Variants in CCDC175 observed in about 807,000 individuals in gnomAD.
CCDC175 encodes the protein coiled-coil domain-containing protein 175.
Under a neutral mutation model 114.6 loss-of-function variants are expected in CCDC175, and 100 were observed. The ratio of observed to expected loss-of-function variants is 0.87; its 90% CI spans 0.74 to 1.03. The LOEUF is 1.03. Among genes scored for constraint, CCDC175 ranks in the 50% least tolerant of loss-of-function variants. CCDC175 has a pLI of 0.00. For synonymous variants in CCDC175, 306 were observed against 308.7 expected (o/e 0.99, Z 0.09); for missense variants, 880 against 917.8 (o/e 0.96, Z 0.53).
At chr14:59,534,595 C>G (rs948331755) in intron 13 of CCDC175, among the ~76,000 whole-genome samples, 3 of 152,114 alleles carry the variant, frequency 2.0e-5, no homozygotes, top group Non-Finnish European at 4.4e-5. Flanking sequence ...TATAATAAAC[C>G]CTTTTCCTGG....
intron 8 of CCDC175, among the ~76,000 whole-genome samples, chr14:59,550,783 A>C (rs1895420277): frequency 6.6e-6 from 1 of 152,066 alleles, no homozygotes; most frequent in Non-Finnish European, 1.5e-5. Context: ...CCTGCTTTAT[A>C]TCCTGGCCGC....
chr14:59,531,810 T>C lies in CCDC175; in HGVS notation c.1724A>G (p.Lys575Arg), dbSNP rs1894089591. The C allele has an allele frequency of 2.0e-6, 3 of 1,498,538 alleles. No homozygotes were observed. The highest frequency in any genetic ancestry group is 2.8e-5 in the African/African-American group (2 of 71,962). 92.8% of individuals were successfully genotyped at this position (1,498,538 alleles called of 1,614,324 possible). A position where few individuals can be genotyped will look rare whatever the true frequency, so the allele number is the denominator to read the frequency against. Residue 575 changes from lysine to arginine, a missense_variant, in exon 14 of 20, where the codon AAA becomes AGA. Lys to Arg is a conservative substitution (Grantham distance 26). Coordinates refer to ENST00000537690, the MANE Select transcript of CCDC175 (RefSeq NM_001164399.2). ...ACTGAGCTCTTCTAACTTTCTTCTT[T>C]TCTCTTTATACTCTTGTTCTGCCAC... ...LQVAEQEYKE[K>R]RRKLEELSNI...
At chr14:59,556,695 T>C (rs1468204399) in intron 7 of CCDC175, among the ~76,000 whole-genome samples, 3 of 151,856 alleles carry the variant, frequency 2.0e-5, no homozygotes, top group Admixed American at 2.0e-4. Context: ...TGGGAGAAAA[T>C]TTTTGCAATC....
chr14:59,520,384 C>A (rs533303863), intron 17 of CCDC175, among the ~76,000 whole-genome samples: 1 of 152,188 alleles, frequency 6.6e-6, no homozygotes, highest in African/African-American at 2.4e-5. Context: ...TTAACAACCA[C>A]TCTGGCAAAT....
chr14:59,525,143 A>G, intron 16 of CCDC175, 139 bp downstream of exon 16: 1 of 577,038 alleles, frequency 1.7e-6, no homozygotes, highest in South Asian at 3.1e-5. Context: ...TACACTTGCA[A>G]TCTGGGCACT....
At chr14:59,551,077 T>C in intron 8 of CCDC175, 1 of 224,256 alleles carries the variant, frequency 4.5e-6, no homozygotes, top group Admixed American at 5.8e-5. Context: ...ACATCAAAAA[T>C]ATCCATTAAT....
intron 7 of CCDC175, among the ~76,000 whole-genome samples, chr14:59,556,963 A>G (rs1409810539): frequency 6.6e-6 from 1 of 152,188 alleles, no homozygotes; most frequent in Non-Finnish European, 1.5e-5. Context: ...AAGTCAGGAA[A>G]CAACAGGTGC....
intron 13 of CCDC175, among the ~76,000 whole-genome samples, chr14:59,535,557 G>C (rs1481235175): frequency 6.6e-6 from 1 of 152,136 alleles, no homozygotes; most frequent in African/African-American, 2.4e-5. Context: ...TTTTGTTCAA[G>C]CTACCTTCAT....
intron 7 of CCDC175, among the ~76,000 whole-genome samples, chr14:59,560,367 G>A (rs564369808): frequency 2.6e-4 from 39 of 152,186 alleles, no homozygotes; most frequent in Middle Eastern, 6.8e-3. Context: ...AGTAGTCCCC[G>A]GAAGCCATGT....
In CCDC175 at chr14:59,510,716, A is replaced by T; in HGVS notation, c.2235T>A (p.Ser745Arg). The T allele has an allele frequency of 6.5e-7, 1 of 1,537,292 alleles. No individual in the cohort carries two copies. Among genetic ancestry groups the T allele is most frequent in the Non-Finnish European group, 8.7e-7 (1 of 1,146,902 alleles). Residue 745 changes from serine (S) to arginine (R), a missense_variant, in exon 19 of 20, where the codon AGT becomes AGA. By Grantham distance (110) the Ser-to-Arg change is moderately radical (BLOSUM62 -1). Coordinates refer to ENST00000537690, the MANE Select transcript of CCDC175 (RefSeq NM_001164399.2). ...CTTCAAGACTCCCTCGTAGCCATGT[A>T]CTGACATGCTGCATTTTTTCATCTC... ...RERDEKMQHV[S>R]TWLRGSLEGL...
chr14:59,506,792 G>C (rs1194037726), intron 19 of CCDC175, among the ~76,000 whole-genome samples: 1 of 152,090 alleles, frequency 6.6e-6, no homozygotes, highest in East Asian at 1.9e-4. Context: ...ATTGTATCAA[G>C]CCCCTCATCA....
chr14:59,510,295 A>C (rs1326949758), intron 19 of CCDC175: 1 of 238,546 alleles, frequency 4.2e-6, no homozygotes, highest in African/African-American at 2.3e-5. Context: ...TGCTAAACTC[A>C]GTTCAGGAAG....
Position 59,532,747 on chromosome 14 carries a change from A to G in CCDC175, c.1624-837T>C, listed in dbSNP as rs114238768. On this transcript the variant is annotated intron_variant, in intron 13 of 19. Coordinates refer to ENST00000537690, the MANE Select transcript of CCDC175 (RefSeq NM_001164399.2). The stretch of plus-strand genomic sequence containing the variant: ...GAATGGAAGCTACTCCTTGACGCAC[A>G]GATGTTAGGCTCATGCTGAGGATGG... 7.2e-3 allele frequency among the ~76,000 whole-genome samples: 1,103 copies of G among 152,260 alleles called. 14 individuals are homozygous for G. Among genetic ancestry groups the G allele is most frequent in the African/African-American group, 0.026 (1,061 of 41,546 alleles).
At chr14:59,568,142 C>T (rs1386514932) in intron 4 of CCDC175, 103 bp downstream of exon 4, 9 of 1,176,704 alleles carry the variant, frequency 7.6e-6, no homozygotes, top group African/African-American at 3.2e-5. Flanking sequence ...CCTCTCAACT[C>T]GCCCTGCCAC....
intron 19 of CCDC175, among the ~76,000 whole-genome samples, chr14:59,507,233 T>G (rs773723042): frequency 6.6e-6 from 1 of 152,252 alleles, no homozygotes; most frequent in Non-Finnish European, 1.5e-5. Context: ...GACCAGCTTA[T>G]GTCTGTGCTT....
intron 17 of CCDC175, among the ~76,000 whole-genome samples, chr14:59,518,451 C>T (rs1201303810): frequency 1.3e-5 from 2 of 152,088 alleles, no homozygotes; most frequent in South Asian, 2.1e-4. Flanking sequence ...CCAGAATCTA[C>T]AATGAACTCA....
chr14:59,562,935 T>G (rs1896304695), intron 6 of CCDC175, among the ~76,000 whole-genome samples: 1 of 152,194 alleles, frequency 6.6e-6, no homozygotes, highest in Non-Finnish European at 1.5e-5. Flanking sequence ...TAATTGGATA[T>G]CATAATAGAT....
At chr14:59,570,534 G>C (rs1450691986) in intron 3 of CCDC175, among the ~76,000 whole-genome samples, 2 of 151,810 alleles carry the variant, frequency 1.3e-5, no homozygotes, top group Admixed American at 6.6e-5. Flanking sequence ...GTAGTGCTCT[G>C]AGGAACATCT....
Position 59,505,198 on chromosome 14 carries a change from A to G in CCDC175, c.*41T>C, listed in dbSNP as rs1276132256. The G allele has an allele frequency of 9.4e-7, 1 of 1,060,940 alleles. No individual in the cohort carries two copies. Among genetic ancestry groups the G allele is most frequent in the Non-Finnish European group, 1.3e-6 (1 of 750,378 alleles). The allele number at this position is 1,060,940 out of a possible 1,614,324, so 65.7% of individuals were successfully genotyped here. On this transcript the variant is annotated 3_prime_UTR_variant, in exon 20 of 20. Coordinates refer to ENST00000537690, the MANE Select transcript of CCDC175 (RefSeq NM_001164399.2). Reference sequence around the variant, plus strand: ...AAGTAAGTGCACTCACTTTTCCTGTAGTAGTCTGTCTTTTGAATTCACAGC... The same window carrying G: ...AAGTAAGTGCACTCACTTTTCCTGTGGTAGTCTGTCTTTTGAATTCACAGC...
Sources: allele counts gnomAD v4.1 joint callset (sites outside exome capture counted in the v4.1 genomes callset), GRCh38; gene constraint gnomAD v4.1.1; transcripts MANE v1.5; gene names NCBI Gene and HGNC (gene_info 2026-07-23, HGNC 2026-07-21).